Variants in DENND2A observed in about 807,000 individuals in gnomAD.
The protein encoded by DENND2A is DENN domain containing 2A.
DENND2A carries 53 observed loss-of-function variants against 105.3 expected under a neutral mutation model. The observed-to-expected ratio is 0.50, with a 90% CI of 0.40 to 0.63. DENND2A has a LOEUF of 0.63. Among genes scored for constraint, DENND2A ranks in the 30% least tolerant of loss-of-function variants. The pLI is 0.00. For missense variants in DENND2A, 1,138 were observed against 1,279.6 expected (o/e 0.89, Z 1.69); for synonymous variants, 522 against 508.4 (o/e 1.03, Z -0.36).
At chr7:140,558,984 T>C (rs1797505559) in intron 10 of DENND2A, among the ~76,000 whole-genome samples, 1 of 151,920 alleles carries the variant, frequency 6.6e-6, no homozygotes, top group African/African-American at 2.4e-5. Flanking sequence ...AGCTGCCCCA[T>C]TGTACAAAAC....
At chr7:140,560,154 C>A (rs1317117070) in intron 9 of DENND2A, among the ~76,000 whole-genome samples, 1 of 152,176 alleles carries the variant, frequency 6.6e-6, no homozygotes, top group Non-Finnish European at 1.5e-5. Flanking sequence ...GAAGGCAGAG[C>A]CTCTAATCAG....
chr7:140,556,587 A>C (rs1797372093), intron 11 of DENND2A, among the ~76,000 whole-genome samples: 1 of 151,738 alleles, frequency 6.6e-6, no homozygotes. Context: ...CAACCTGCCC[A>C]CCTCAGCCTC....
intron 17 of DENND2A, 46 bp from the exon 18 acceptor site, chr7:140,522,146 T>TGGGCCAGAGCCCTTGAGACAAGCC: frequency 6.2e-7 from 1 of 1,607,358 alleles, no homozygotes; most frequent in Non-Finnish European, 8.5e-7. Context: ...GCAGACAGGC[T>TGGGCCAGAGCCCTTGAGACAAGCC]GGGCCAGAGC....
intron 1 of DENND2A, among the ~76,000 whole-genome samples, chr7:140,631,229 T>C (rs1488308649): frequency 1.3e-5 from 2 of 152,108 alleles, no homozygotes; most frequent in African/African-American, 4.8e-5. Flanking sequence ...AGAAGCCAGA[T>C]TTCGGGGGTG....
chr7:140,638,540 C>A (rs901867876), intron 1 of DENND2A, among the ~76,000 whole-genome samples: 1 of 152,114 alleles, frequency 6.6e-6, no homozygotes, highest in African/African-American at 2.4e-5. Context: ...CTAGAAGGAG[C>A]GCATCACTCC....
intron 1 of DENND2A, among the ~76,000 whole-genome samples, chr7:140,639,862 T>A (rs761324533): frequency 5.3e-5 from 8 of 152,318 alleles, no homozygotes; most frequent in Non-Finnish European, 1.0e-4. Context: ...ATTCCACGGC[T>A]GAGGTCTGGC....
chr7:140,612,253 GA>G (rs542011993), intron 1 of DENND2A, among the ~76,000 whole-genome samples: 164 of 138,482 alleles, frequency 1.2e-3, no homozygotes, highest in African/African-American at 2.3e-3. Context: ...GAAAAAAAAG[GA>G]AAAAAAAAAA....
chr7:140,523,614 G>A lies in DENND2A; in HGVS notation c.2548-190C>T, dbSNP rs1056648131. 1.3e-5 allele frequency among the ~76,000 whole-genome samples: 2 copies of A among 151,954 alleles called. No individual in the cohort carries two copies. ...TTTTTTGAGACAGAGTTTCACTCTT[G>A]TCGCATAGTCTGGAGTGCAATGCCA... On this transcript the variant is annotated intron_variant, in intron 16 of 19. Transcript: ENST00000496613. This position sits in a 1 kb window ranked among gnomAD's most constrained non-coding sequence, Gnocchi z 4.5.
intron 3 of DENND2A, 76 bp downstream of exon 3, chr7:140,601,327 A>T: frequency 6.6e-7 from 1 of 1,504,416 alleles, no homozygotes; most frequent in Non-Finnish European, 8.9e-7. Flanking sequence ...TCAGCTGAGA[A>T]CAGACGGTTA....
chr7:140,542,888 C>T (rs545317957), intron 14 of DENND2A, among the ~76,000 whole-genome samples: 3 of 152,126 alleles, frequency 2.0e-5, no homozygotes, highest in South Asian at 4.1e-4. Context: ...CTGAAGGTGA[C>T]AGCTAGGCCT....
intron 7 of DENND2A, among the ~76,000 whole-genome samples, 160 bp downstream of exon 7, chr7:140,569,485 C>T (rs931205411): frequency 6.6e-6 from 1 of 152,210 alleles, no homozygotes; most frequent in South Asian, 2.1e-4. Context: ...CCCGGCTGAG[C>T]TCCCAGCCCC....
intron 14 of DENND2A, among the ~76,000 whole-genome samples, chr7:140,528,810 A>T (rs970366638): frequency 3.3e-5 from 5 of 151,032 alleles, no homozygotes; most frequent in Non-Finnish European, 5.9e-5. Flanking sequence ...ATGCATTGAA[A>T]TTTTTAAAAA....
Position 140,567,205 on chromosome 7 carries a change from G to A in DENND2A, c.1660C>T (p.Arg554Trp), listed in dbSNP as rs200776468. 5.4e-5 allele frequency: 87 copies of A among 1,613,758 alleles called. No individual in the cohort carries two copies. The highest frequency in any genetic ancestry group is 5.8e-5 in the Non-Finnish European group (69 of 1,179,956). The change falls in exon 9 of 20, where the codon CGG becomes TGG. Residue 554 changes from arginine to tryptophan, a missense_variant. Around this residue, in one of 2 missense-constraint regions of DENND2A, gnomAD observed 627 missense variants for 779.8 expected, o/e 0.80. Transcript: ENST00000496613. Reference sequence around the variant, plus strand: ...CTCTCCTGGTACTCGATGAGTTCCCGGGCAAGTGATGGGTACCGAGGCGCC... The same window carrying A: ...CTCTCCTGGTACTCGATGAGTTCCCAGGCAAGTGATGGGTACCGAGGCGCC... ...KQAPRYPSLA[R>W]ELIEYQERQL...
chr7:140,608,940 C>G (rs952050911), intron 1 of DENND2A, among the ~76,000 whole-genome samples: 2 of 152,110 alleles, frequency 1.3e-5, no homozygotes, highest in Non-Finnish European at 2.9e-5. Context: ...GCTCTGGAAT[C>G]TGCATTTAAA....
chr7:140,543,268 G>A (rs1796750241), intron 14 of DENND2A, among the ~76,000 whole-genome samples: 1 of 149,512 alleles, frequency 6.7e-6, no homozygotes, highest in South Asian at 2.1e-4. Context: ...GTAGGCTCGA[G>A]CCACCATACC....
At chr7:140,587,898 C>A in intron 3 of DENND2A, 118 bp from the exon 4 acceptor site, 1 of 1,116,504 alleles carries the variant, frequency 9.0e-7, no homozygotes, top group Non-Finnish European at 1.2e-6. Flanking sequence ...AAATTGTTAC[C>A]GAAATCAACT....
chr7:140,521,658 G>A (rs955552731), intron 18 of DENND2A, among the ~76,000 whole-genome samples, 197 bp downstream of exon 18: 8 of 152,220 alleles, frequency 5.3e-5, no homozygotes, highest in Non-Finnish European at 1.2e-4. Context: ...TCTGGGAGAG[G>A]CTGGCAGAGG....
intron 5 of DENND2A, among the ~76,000 whole-genome samples, chr7:140,581,840 G>T (rs996940260): frequency 3.9e-5 from 6 of 152,226 alleles, no homozygotes; most frequent in African/African-American, 1.4e-4. Flanking sequence ...GGGCTTAGCT[G>T]CTTTGGTGGC....
intron 14 of DENND2A, among the ~76,000 whole-genome samples, chr7:140,542,272 G>T (rs66736733): frequency 6.6e-6 from 1 of 152,154 alleles, no homozygotes; most frequent in African/African-American, 2.4e-5. Context: ...GTCCTTGTCT[G>T]CATTTCCTTC....
Sources: gnomAD v4.1 joint callset for allele counts (sites outside exome capture counted in the v4.1 genomes callset) on GRCh38, gnomAD v4.1.1 for gene constraint, gnomAD v4.1.1 regional missense constraint, Gnocchi (gnomAD v3.1) non-coding constraint, MANE v1.5 for transcripts, NCBI Gene and HGNC (gene_info 2026-07-23, HGNC 2026-07-21) for gene names.